Variants in ARIH2 observed in about 807,000 individuals in gnomAD.
ARIH2 encodes the protein E3 ubiquitin-protein ligase ARIH2.
ARIH2 carries 12 observed loss-of-function variants against 79.8 expected under a neutral mutation model. The observed-to-expected ratio is 0.15, with a 90% CI of 0.10 to 0.24. The LOEUF (loss-of-function observed/expected upper bound fraction) is 0.24. Ranked by LOEUF, ARIH2 falls within the 10% of genes least tolerant of loss-of-function variation. The pLI is 1.00. For synonymous variants in ARIH2, 224 were observed against 213.9 expected, an observed-to-expected ratio of 1.05 and a Z score of -0.41; for missense variants, 301 against 618.3, an observed-to-expected ratio of 0.49 and a Z score of 5.44.
intron 1 of ARIH2, chr3:48,921,593 C>G (rs201187574): frequency 6.6e-6 from 1 of 151,728 alleles, no homozygotes; most frequent in African/African-American, 2.4e-5. Flanking sequence ...GCCACCATTC[C>G]TGGCTAATTT....
chr3:48,959,847 CATT>C (rs2091068577), intron 3 of ARIH2, among the ~76,000 whole-genome samples: 1 of 152,124 alleles, frequency 6.6e-6, no homozygotes. Flanking sequence ...CTTTGACACT[CATT>C]ATATGCTGGG....
intron 3 of ARIH2, among the ~76,000 whole-genome samples, chr3:48,954,830 C>T (rs2090395295): frequency 6.6e-6 from 1 of 152,180 alleles, no homozygotes; most frequent in South Asian, 2.1e-4. Flanking sequence ...TATCTTGAGA[C>T]TCCTTTTGGA....
intron 3 of ARIH2, chr3:48,934,751 G>A (rs757780921): frequency 2.0e-6 from 2 of 985,400 alleles, no homozygotes; most frequent in Non-Finnish European, 1.2e-6. Flanking sequence ...AATACAAATG[G>A]TGCAAAGATG....
chr3:48,958,703 C>T (rs1017255766), intron 3 of ARIH2, among the ~76,000 whole-genome samples: 1 of 150,010 alleles, frequency 6.7e-6, no homozygotes, highest in African/African-American at 2.5e-5. Flanking sequence ...AAGGAGACTC[C>T]ATCTCAAAAA....
chr3:48,931,630 A>G (rs1386675598), intron 3 of ARIH2, among the ~76,000 whole-genome samples: 4 of 151,974 alleles, frequency 2.6e-5, no homozygotes, highest in Non-Finnish European at 5.9e-5. Flanking sequence ...GAATCTCACT[A>G]TGTTGCCCAG....
chr3:48,962,830 C>T (rs1264660533), intron 4 of ARIH2, among the ~76,000 whole-genome samples: 1 of 152,144 alleles, frequency 6.6e-6, no homozygotes, highest in Non-Finnish European at 1.5e-5. Context: ...TACTCTTTCA[C>T]ACTGCAGTGA....
At chr3:48,934,826 GCT>G in intron 3 of ARIH2, 1 of 985,362 alleles carries the variant, frequency 1.0e-6, no homozygotes, top group Non-Finnish European at 1.2e-6. Context: ...TACAAAACAT[GCT>G]CATCATCTTC....
intron 3 of ARIH2, among the ~76,000 whole-genome samples, chr3:48,954,657 T>G (rs1334906635): frequency 6.6e-6 from 1 of 152,148 alleles, no homozygotes; most frequent in African/African-American, 2.4e-5. Context: ...GTTTGCTCTT[T>G]AAACAGGGAT....
chr3:48,930,507 G>A (rs372530931), intron 3 of ARIH2, among the ~76,000 whole-genome samples: 20 of 151,868 alleles, frequency 1.3e-4, no homozygotes, highest in African/African-American at 4.8e-4. Flanking sequence ...TTTTTTTTTG[G>A]TAGAGATGGG....
At chr3:48,953,654 C>T (rs1298523334) in intron 3 of ARIH2, among the ~76,000 whole-genome samples, 1 of 151,924 alleles carries the variant, frequency 6.6e-6, no homozygotes, top group Non-Finnish European at 1.5e-5. Context: ...GCCCACCTGG[C>T]CTCCCAAAGT....
chr3:48,935,818 G>C (rs2087028804), intron 3 of ARIH2, among the ~76,000 whole-genome samples: 1 of 152,138 alleles, frequency 6.6e-6, no homozygotes, highest in South Asian at 2.1e-4. Context: ...CACATTCTCA[G>C]GGTTGTGTGT....
intron 12 of ARIH2, chr3:48,980,008 C>G (rs1254379205): frequency 4.3e-6 from 1 of 234,370 alleles, no homozygotes; most frequent in Non-Finnish European, 8.1e-6. Context: ...TCTTAGTAGT[C>G]AGATTTGGAA....
intron 3 of ARIH2, among the ~76,000 whole-genome samples, chr3:48,948,256 C>A (rs544904890): frequency 1.3e-5 from 2 of 151,906 alleles, no homozygotes; most frequent in Admixed American, 6.6e-5. Flanking sequence ...CCACTGCGCC[C>A]GGCCTCCTTT....
intron 3 of ARIH2, among the ~76,000 whole-genome samples, chr3:48,948,635 G>T (rs1293099779): frequency 2.0e-5 from 3 of 152,134 alleles, no homozygotes; most frequent in African/African-American, 7.2e-5. Context: ...TTTATTAAAT[G>T]TATACAACTA....
At chr3:48,956,311 A>C (rs928710992) in intron 3 of ARIH2, among the ~76,000 whole-genome samples, 2 of 150,144 alleles carry the variant, frequency 1.3e-5, no homozygotes, top group African/African-American at 4.9e-5. Flanking sequence ...GCTAATTTTT[A>C]TATTTTTAGT....
chr3:48,951,521 A>G (rs1337584222), intron 3 of ARIH2, among the ~76,000 whole-genome samples: 1 of 152,130 alleles, frequency 6.6e-6, no homozygotes, highest in African/African-American at 2.4e-5. Context: ...ATGTAAAATT[A>G]GTGTTGATAG....
At chr3:48,935,703 A>G (rs1484041368) in intron 3 of ARIH2, among the ~76,000 whole-genome samples, 2 of 152,214 alleles carry the variant, frequency 1.3e-5, no homozygotes, top group Non-Finnish European at 2.9e-5. Context: ...GATAATGCAG[A>G]TAAAGTGCCT....
chr3:48,979,711 G>C, intron 12 of ARIH2, 78 bp downstream of exon 12: 1 of 1,519,572 alleles, frequency 6.6e-7, no homozygotes, highest in Non-Finnish European at 9.0e-7. Flanking sequence ...CCCAGGGACT[G>C]GTAGACAGAG....
At chr3:48,927,428 A>G (rs1421699564) in intron 2 of ARIH2, 34 bp from the exon 3 acceptor site, 7 of 1,178,812 alleles carry the variant, frequency 5.9e-6, no homozygotes, top group Non-Finnish European at 8.2e-6. Context: ...GTCATGGGGA[A>G]AAAGTAACAC....
Sources: allele counts gnomAD v4.1 joint callset (sites outside exome capture counted in the v4.1 genomes callset), GRCh38; gene constraint gnomAD v4.1.1; transcripts MANE v1.5; gene names NCBI Gene and HGNC (gene_info 2026-07-23, HGNC 2026-07-21).